The following EML6 variants were observed in gnomAD, a reference collection of about 807,000 sequenced individuals.
EML6 encodes EMAP like 6.
EML6 carries 154 observed loss-of-function variants against 240.1 expected under a neutral mutation model. The observed-to-expected ratio is 0.64, with a 90% confidence interval of 0.56 to 0.73. The LOEUF is 0.73. Ranked by LOEUF, EML6 falls within the 30% of genes least tolerant of loss-of-function variation. EML6 has a pLI of 0.00. For missense variants in EML6, 2,964 were observed against 2,474.6 expected, an observed-to-expected ratio of 1.20 and a Z score of -4.20; for synonymous variants, 1,148 against 899.0, an observed-to-expected ratio of 1.28 and a Z score of -4.95.
intron 22 of EML6, among the ~76,000 whole-genome samples, chr2:54,900,411 A>G (rs932537668): frequency 1.3e-5 from 2 of 152,140 alleles, no homozygotes; most frequent in African/African-American, 4.8e-5. Flanking sequence ...AAATGGGACT[A>G]TTTATATAAA....
intron 28 of EML6, among the ~76,000 whole-genome samples, chr2:54,935,523 C>G (rs34012402): frequency 5.3e-5 from 8 of 152,218 alleles, no homozygotes; most frequent in African/African-American, 9.6e-5. Flanking sequence ...AAATCAATGT[C>G]AAGAATTATT....
intron 25 of EML6, among the ~76,000 whole-genome samples, chr2:54,911,838 C>A (rs940010686): frequency 6.6e-6 from 1 of 152,212 alleles, no homozygotes. Flanking sequence ...TAGCTACATA[C>A]ACGATTTTTT....
intron 2 of EML6, among the ~76,000 whole-genome samples, chr2:54,764,970 A>T (rs1408188146): frequency 6.6e-6 from 1 of 152,214 alleles, no homozygotes; most frequent in East Asian, 1.9e-4. Flanking sequence ...AATCACACAT[A>T]TGAATAGTTA....
rs998482904 is a variant in EML6, at chr2:54,847,355, G to A, written c.1050-131G>A. 22 of 869,444 alleles carry A rather than the reference G, an allele frequency of 2.5e-5. No homozygotes were observed. In the African/African-American group the frequency reaches 3.7e-4, roughly 15 times the overall value. The allele number at this position is 869,444 out of a possible 1,614,324, so 53.9% of individuals were successfully genotyped here. A position where few individuals can be genotyped will look rare whatever the true frequency, so the allele number is the denominator to read the frequency against. On this transcript the variant is annotated intron_variant, in intron 8 of 41. Coordinates refer to ENST00000356458, the MANE Select transcript of EML6 (RefSeq NM_001039753.4). Reference sequence around the variant, plus strand: ...ACACTCGCTGACAGGCCATGATAAAGGGCTCTGGTGTGAAGTTCCTATGTC... The same window carrying A: ...ACACTCGCTGACAGGCCATGATAAAAGGCTCTGGTGTGAAGTTCCTATGTC...
Position 54,790,812 on chromosome 2 carries a change from G to A in EML6, c.198-22420G>A, listed in dbSNP as rs1390798309. 1.9e-3 allele frequency among the ~76,000 whole-genome samples: 269 copies of A among 143,730 alleles called. 3 individuals are homozygous for A. The highest frequency in any genetic ancestry group is 6.5e-3 in the African/African-American group (255 of 39,124). 94.3% of individuals were successfully genotyped at this position (143,730 alleles called of 152,430 possible). ...GCGATCTTGGCTCACTGCAAGCTCC[G>A]CCTCCCAGGTTCACACCATTCTCCT... On this transcript the variant is annotated intron_variant, in intron 2 of 41. Transcript: ENST00000356458.
intron 24 of EML6, among the ~76,000 whole-genome samples, chr2:54,910,376 AT>A (rs1436817900): frequency 1.3e-5 from 2 of 152,188 alleles, no homozygotes; most frequent in Non-Finnish European, 2.9e-5. Context: ...CTGAAAGACT[AT>A]TTTTGCCCAA....
chr2:54,873,610 C>T (rs1459170266), intron 16 of EML6, among the ~76,000 whole-genome samples: 1 of 149,714 alleles, frequency 6.7e-6, no homozygotes, highest in Non-Finnish European at 1.5e-5. Flanking sequence ...TTTTTGTTCT[C>T]CATAGTTCCA....
At chr2:54,918,085 C>A (rs1384216864) in intron 26 of EML6, among the ~76,000 whole-genome samples, 1 of 152,222 alleles carries the variant, frequency 6.6e-6, no homozygotes, top group East Asian at 1.9e-4. Context: ...CCTGTACTTA[C>A]ACAATTGATT....
At chr2:54,932,093 A>G (rs1485945173) in intron 28 of EML6, among the ~76,000 whole-genome samples, 1 of 152,222 alleles carries the variant, frequency 6.6e-6, no homozygotes, top group Non-Finnish European at 1.5e-5. Flanking sequence ...CAGAAGCCAT[A>G]TGATCTTCAG....
intron 26 of EML6, 32 bp downstream of exon 26, chr2:54,916,967 T>G: frequency 6.8e-7 from 1 of 1,474,362 alleles, no homozygotes; most frequent in Non-Finnish European, 9.2e-7. Context: ...CTTTACTTGC[T>G]CAGTCTCCTT....
At chr2:54,823,689 C>G (rs1291522878) in intron 5 of EML6, among the ~76,000 whole-genome samples, 1 of 152,086 alleles carries the variant, frequency 6.6e-6, no homozygotes, top group Non-Finnish European at 1.5e-5. Flanking sequence ...ATCTGGGACC[C>G]TATCCTGGGA....
At chr2:54,889,221 G>A (rs1189096211) in intron 17 of EML6, among the ~76,000 whole-genome samples, 1 of 151,980 alleles carries the variant, frequency 6.6e-6, no homozygotes, top group Non-Finnish European at 1.5e-5. Flanking sequence ...TTAATACCTA[G>A]GAGAGCTACT....
At chr2:54,954,991 T>C (rs1676164542) in intron 32 of EML6, among the ~76,000 whole-genome samples, 1 of 151,978 alleles carries the variant, frequency 6.6e-6, no homozygotes, top group Non-Finnish European at 1.5e-5. Context: ...TGCGTGGAGG[T>C]TGTAAAGAGA....
At chr2:54,792,293 G>A (rs573073169) in intron 2 of EML6, among the ~76,000 whole-genome samples, 2 of 152,288 alleles carry the variant, frequency 1.3e-5, no homozygotes, top group East Asian at 1.9e-4. Flanking sequence ...TGCCCCCTGG[G>A]CTTCCCCTAT....
At chr2:54,805,256 C>T (rs137911065) in intron 2 of EML6, among the ~76,000 whole-genome samples, 33 of 152,288 alleles carry the variant, frequency 2.2e-4, no homozygotes, top group African/African-American at 7.5e-4. Flanking sequence ...TCTTTTAAAT[C>T]TGTGAAGACT....
chr2:54,843,380 A>C (rs1423786374), intron 7 of EML6, among the ~76,000 whole-genome samples: 1 of 152,050 alleles, frequency 6.6e-6, no homozygotes, highest in African/African-American at 2.4e-5. Context: ...AGTGAGCTAC[A>C]GTGCTACCAC....
At position 54,971,313 on chromosome 2, in the gene EML6, TCA is replaced by T. The variant is rs1207681167; in HGVS notation, c.*1222_*1223del. ...CAGAAGCCATCCGTAAGCCCCTCAG[TCA>T]CACTTTCCATGTAGCTGACCAGTGA... On this transcript the variant is annotated 3_prime_UTR_variant, in exon 42 of 42. Coordinates refer to ENST00000356458, the MANE Select transcript of EML6 (RefSeq NM_001039753.4). The T allele has an allele frequency of 5.3e-5, 8 of 152,228 alleles. No homozygotes were observed. Among genetic ancestry groups the T allele is most frequent in the African/African-American group, 7.2e-5 (3 of 41,442 alleles). 9.4% of individuals were successfully genotyped at this position (152,228 alleles called of 1,614,324 possible).
chr2:54,897,353 C>G (rs770425608), intron 21 of EML6, among the ~76,000 whole-genome samples: 3 of 152,184 alleles, frequency 2.0e-5, no homozygotes. Flanking sequence ...AGAAAAATAA[C>G]CACAGCAATC....
chr2:54,948,446 G>A (rs1172265811), intron 28 of EML6, among the ~76,000 whole-genome samples: 1 of 152,150 alleles, frequency 6.6e-6, no homozygotes, highest in Admixed American at 6.5e-5. Flanking sequence ...CCACACCATG[G>A]CCATCGACAA....
Sources: allele counts gnomAD v4.1 joint callset (sites outside exome capture counted in the v4.1 genomes callset), GRCh38; gene constraint gnomAD v4.1.1; transcripts MANE v1.5; gene names NCBI Gene and HGNC (gene_info 2026-07-23, HGNC 2026-07-21).